The following AMD1 variants were observed in gnomAD, a reference collection of about 807,000 sequenced individuals.
AMD1 encodes the protein S-adenosylmethionine decarboxylase proenzyme.
In AMD1, 11 loss-of-function variants were observed where a neutral mutation model predicts 40.2. The observed-to-expected ratio is 0.27, with a 90% CI of 0.17 to 0.45. The LOEUF (loss-of-function observed/expected upper bound fraction) is 0.45. AMD1 is among the 20% of genes least tolerant of loss of function. AMD1 has a pLI of 1.00. For synonymous variants in AMD1, 121 were observed against 130.8 expected (o/e 0.93, Z 0.51); for missense variants, 257 against 410.2 (o/e 0.63, Z 3.23).
chr6:110,868,702 C>A, the AMD1 span, among the ~76,000 whole-genome samples: 1 of 152,104 alleles, frequency 6.6e-6, no homozygotes, highest in Non-Finnish European at 1.5e-5. Flanking sequence ...CCAAAGAAGA[C>A]AAACAGCTTT....
At chr6:110,863,308 C>T in the AMD1 span, among the ~76,000 whole-genome samples, 286 of 150,620 alleles carry the variant, frequency 1.9e-3, 8 homozygotes, top group Admixed American at 0.017. Flanking sequence ...TTACTTAGGG[C>T]TACTTCACTT....
At chr6:110,891,279 C>T (rs1237192433) in intron 4 of AMD1, 1 of 152,236 alleles carries the variant, frequency 6.6e-6, no homozygotes, top group Admixed American at 6.5e-5. Context: ...CTCCTGCCCT[C>T]TAGCAGTCCT....
the AMD1 span, among the ~76,000 whole-genome samples, chr6:110,820,732 A>G: frequency 1.3e-5 from 2 of 151,962 alleles, no homozygotes; most frequent in African/African-American, 4.8e-5. Context: ...TGAAACCCCC[A>G]TCTTTACTAA....
chr6:110,875,969 C>G (rs1049309195), intron 1 of AMD1, among the ~76,000 whole-genome samples: 2 of 152,162 alleles, frequency 1.3e-5, no homozygotes, highest in African/African-American at 4.8e-5. Context: ...TCCCCAATCT[C>G]TTGACCTTGG....
rs1210912660 is a variant in AMD1, at chr6:110,895,269, ATGT to A, written c.*1659_*1661del. On this transcript the variant is annotated 3_prime_UTR_variant, in exon 9 of 9. Transcript: ENST00000368885. ...ACACTGTTTGACTTTTATTTGAAGC[ATGT>A]TGTTGATTGAAAATTTCATTGAGGA... 3.9e-5 allele frequency: 6 copies of A among 152,286 alleles called. No individual in the cohort carries two copies. The East Asian group carries it at 7.7e-4, about 20-fold the overall frequency. 9.4% of individuals were successfully genotyped at this position (152,286 alleles called of 1,614,324 possible).
the AMD1 span, among the ~76,000 whole-genome samples, chr6:110,857,743 T>G: frequency 2.7e-5 from 4 of 146,890 alleles, no homozygotes; most frequent in Admixed American, 2.1e-4. Context: ...TATATATATA[T>G]AGATGGTATA....
the AMD1 span, among the ~76,000 whole-genome samples, chr6:110,868,998 T>G: frequency 6.6e-6 from 1 of 150,900 alleles, no homozygotes; most frequent in Non-Finnish European, 1.5e-5. Context: ...AGGCGGAGGT[T>G]GTGGTGAGCC....
chr6:110,829,475 C>G, the AMD1 span, among the ~76,000 whole-genome samples: 1 of 151,208 alleles, frequency 6.6e-6, no homozygotes, highest in African/African-American at 2.4e-5. Context: ...GTCAGGAGAT[C>G]GAGACCATCC....
the AMD1 span, among the ~76,000 whole-genome samples, chr6:110,863,247 CAAGTTCG>C: frequency 6.7e-6 from 1 of 149,558 alleles, no homozygotes; most frequent in Admixed American, 6.7e-5. Context: ...GCCTGGCCCC[CAAGTTCG>C]TTTTTTTAAG....
chr6:110,848,308 G>A, the AMD1 span, among the ~76,000 whole-genome samples: 1 of 151,862 alleles, frequency 6.6e-6, no homozygotes, highest in Non-Finnish European at 1.5e-5. Context: ...AGTCACTTGA[G>A]GTCAGGGGTT....
rs1173288349 is a variant in AMD1 at position 110,894,571 on chromosome 6, A to G, written c.*955A>G. 2.6e-5 allele frequency: 4 copies of G among 152,196 alleles called. No homozygotes were observed. The highest frequency in any genetic ancestry group is 2.1e-4 in the South Asian group (1 of 4,832). The allele number at this position is 152,196 out of a possible 1,614,324, so 9.4% of individuals were successfully genotyped here. A position where few individuals can be genotyped will look rare whatever the true frequency, so the allele number is the denominator to read the frequency against. On this transcript the variant is annotated 3_prime_UTR_variant, in exon 9 of 9. Transcript: ENST00000368885. ...AGCGTCTAATGAGTAGCACCCCTTT[A>G]CTAACTTAGTAGTAGTATAAAATCA...
At chr6:110,831,492 A>G in the AMD1 span, among the ~76,000 whole-genome samples, 2 of 151,924 alleles carry the variant, frequency 1.3e-5, no homozygotes, top group Non-Finnish European at 2.9e-5. Flanking sequence ...ACAGGGTCTC[A>G]CTATGTTGCC....
At chr6:110,845,723 T>C in the AMD1 span, among the ~76,000 whole-genome samples, 1 of 152,204 alleles carries the variant, frequency 6.6e-6, no homozygotes, top group African/African-American at 2.4e-5. Flanking sequence ...GCTTCCATAC[T>C]TTTCAGGTTT....
chr6:110,837,733 AAAAAAAAAAAAAATATATATAT>A, the AMD1 span, among the ~76,000 whole-genome samples: 1 of 108,596 alleles, frequency 9.2e-6, no homozygotes, highest in African/African-American at 3.9e-5. Flanking sequence ...AAAAAAAAAA[AAAAAAAAAAAAAATATATATAT>A]ATATATATAT....
the AMD1 span, chr6:110,815,258 C>T: frequency 1.7e-5 from 18 of 1,037,774 alleles, no homozygotes; most frequent in Non-Finnish European, 2.1e-5. Flanking sequence ...CGCGCGCGCG[C>T]CGCCCGCCGC....
At chr6:110,840,230 T>G in the AMD1 span, among the ~76,000 whole-genome samples, 2 of 151,862 alleles carry the variant, frequency 1.3e-5, no homozygotes, top group African/African-American at 4.8e-5. Context: ...TACATTTGCT[T>G]TTTTCTTGGC....
the AMD1 span, among the ~76,000 whole-genome samples, chr6:110,837,788 G>A: frequency 7.6e-6 from 1 of 131,022 alleles, no homozygotes; most frequent in African/African-American, 2.9e-5. Flanking sequence ...CTGGGTTAGG[G>A]GCGGTGGCTC....
At chr6:110,860,449 C>A in the AMD1 span, among the ~76,000 whole-genome samples, 2 of 152,052 alleles carry the variant, frequency 1.3e-5, no homozygotes, top group Non-Finnish European at 2.9e-5. Flanking sequence ...TTAAACAATT[C>A]TTTAATATTT....
At chr6:110,832,527 C>T in the AMD1 span, among the ~76,000 whole-genome samples, 1 of 152,166 alleles carries the variant, frequency 6.6e-6, no homozygotes, top group Non-Finnish European at 1.5e-5. Context: ...TCTGATAGCC[C>T]CAGAACTTCT....
Sources: gnomAD v4.1 joint callset for allele counts (sites outside exome capture counted in the v4.1 genomes callset) on GRCh38, gnomAD v4.1.1 for gene constraint, MANE v1.5 for transcripts, NCBI Gene and HGNC (gene_info 2026-07-23, HGNC 2026-07-21) for gene names.